The following SORCS1 variants were observed in gnomAD, a reference collection of about 807,000 sequenced individuals.
SORCS1 encodes sortilin related VPS10 domain containing receptor 1.
SORCS1 carries 60 observed loss-of-function variants against 146.1 expected under a neutral mutation model. The observed-to-expected ratio is 0.41, with a 90% CI of 0.33 to 0.51. SORCS1 has a LOEUF of 0.51. Ranked by LOEUF, SORCS1 falls within the 20% of genes least tolerant of loss-of-function variation. SORCS1 has a pLI of 0.21. For missense variants in SORCS1, 1,352 were observed against 1,487.6 expected (o/e 0.91, Z 1.50); for synonymous variants, 637 against 584.0 (o/e 1.09, Z -1.31).
At chr10:106,773,569 A>G (rs1405830589) in intron 4 of SORCS1, among the ~76,000 whole-genome samples, 2 of 152,156 alleles carry the variant, frequency 1.3e-5, no homozygotes, top group East Asian at 3.9e-4. Context: ...AGTATGATTT[A>G]TCCTTCATCC....
At chr10:107,003,814 G>A (rs1167263564) in intron 1 of SORCS1, among the ~76,000 whole-genome samples, 1 of 152,080 alleles carries the variant, frequency 6.6e-6, no homozygotes, top group Non-Finnish European at 1.5e-5. Context: ...TAGTTGGGAA[G>A]AAGGAAGGGG....
At chr10:107,100,909 T>A (rs1184445219) in intron 1 of SORCS1, among the ~76,000 whole-genome samples, 1 of 152,224 alleles carries the variant, frequency 6.6e-6, no homozygotes, top group East Asian at 1.9e-4. Context: ...AATATTTTTC[T>A]AGAGACAGGG....
intron 9 of SORCS1, among the ~76,000 whole-genome samples, chr10:106,694,908 T>C (rs1853579857): frequency 6.6e-6 from 1 of 152,162 alleles, no homozygotes; most frequent in Non-Finnish European, 1.5e-5. Context: ...CAAAGTGCTC[T>C]TCATCATCAT....
chr10:106,865,346 T>A (rs1037335006), intron 2 of SORCS1, among the ~76,000 whole-genome samples: 3 of 152,210 alleles, frequency 2.0e-5, no homozygotes, highest in African/African-American at 7.2e-5. Flanking sequence ...CCTTCGCTGT[T>A]GATCCCTCCA....
chr10:106,681,131 T>C (rs1032041713), intron 10 of SORCS1, among the ~76,000 whole-genome samples: 46 of 152,212 alleles, frequency 3.0e-4, no homozygotes, highest in Non-Finnish European at 7.3e-5. Flanking sequence ...ATATCAGGCC[T>C]AGACTCTTGG....
At chr10:107,056,518 C>T (rs1960653926) in intron 1 of SORCS1, among the ~76,000 whole-genome samples, 1 of 152,170 alleles carries the variant, frequency 6.6e-6, no homozygotes, top group African/African-American at 2.4e-5. Context: ...TCTGGAGGCA[C>T]AGAAACTTGG....
At chr10:106,634,714 C>T (rs576786671) in intron 18 of SORCS1, among the ~76,000 whole-genome samples, 3 of 152,316 alleles carry the variant, frequency 2.0e-5, no homozygotes, top group Non-Finnish European at 4.4e-5. Context: ...ACTCAATACT[C>T]TGCTTCTGTC....
rs143723828 is a variant in SORCS1 at position 107,085,589 on chromosome 10, C to T, written c.558+78380G>A. Among the ~76,000 whole-genome samples, 812 of 152,234 alleles carry T rather than the reference C, an allele frequency of 5.3e-3. 4 individuals are homozygous for T. The highest frequency in any genetic ancestry group is 8.9e-3 in the Non-Finnish European group (603 of 68,024). On this transcript the variant is annotated intron_variant, in intron 1 of 25. Transcript: ENST00000263054. ...AGGGAGATAGATGTCACTCTGAAGA[C>T]ATATGGGATAAAAAAATGCCAAGGG... is the stretch of plus-strand genomic sequence containing the variant.
In SORCS1 at chr10:106,675,170, A is replaced by C. The variant is rs748639952; in HGVS notation, c.1833-14T>G. The C allele has an allele frequency of 6.3e-7, 1 of 1,578,290 alleles. No individual in the cohort carries two copies. The highest frequency in any genetic ancestry group is 2.2e-5 in the East Asian group (1 of 44,610). On this transcript the variant is annotated splice_polypyrimidine_tract_variant and intron_variant, in intron 13 of 25. Coordinates refer to ENST00000263054, the MANE Select transcript of SORCS1 (RefSeq NM_052918.5). ...TCAAAACTCAACCTAATGATATAAAAAATATCAGTCATCAGATCTCCAAAG... is the reference window on the plus strand; with the variant it reads ...TCAAAACTCAACCTAATGATATAAACAATATCAGTCATCAGATCTCCAAAG...
rs111673496 is a variant in SORCS1 at position 106,574,061 on chromosome 10, T to TA, written c.*3358dup. 44,221 of 151,434 alleles carry TA rather than the reference T, an allele frequency of 0.29. 7,917 individuals are homozygous for TA. Among genetic ancestry groups the TA allele is most frequent in the East Asian group, 0.49 (2,498 of 5,120 alleles). 9.4% of individuals were successfully genotyped at this position (151,434 alleles called of 1,614,324 possible). A position where few individuals can be genotyped will look rare whatever the true frequency, so the allele number is the denominator to read the frequency against. The stretch of plus-strand genomic sequence containing the variant: ...ACTATAAGAAAACTTTTTTTTTTTT[T>TA]AATTGGCTTCCTATAAAAATAAGTC... On this transcript the variant is annotated 3_prime_UTR_variant, in exon 26 of 26. Coordinates refer to ENST00000263054, the MANE Select transcript of SORCS1 (RefSeq NM_052918.5).
intron 2 of SORCS1, among the ~76,000 whole-genome samples, chr10:106,849,908 G>A (rs764937425): frequency 1.0e-3 from 153 of 152,190 alleles, no homozygotes; most frequent in Non-Finnish European, 1.8e-3. Context: ...GGGGGTCAGG[G>A]GTCAGGGACC....
chr10:106,839,763 T>C (rs1948943592), intron 2 of SORCS1, among the ~76,000 whole-genome samples: 1 of 152,218 alleles, frequency 6.6e-6, no homozygotes, highest in Non-Finnish European at 1.5e-5. Flanking sequence ...ATGCAATTGG[T>C]GACTTTCAGT....
At chr10:106,978,766 C>G (rs1295364269) in intron 1 of SORCS1, among the ~76,000 whole-genome samples, 1 of 151,062 alleles carries the variant, frequency 6.6e-6, no homozygotes, top group African/African-American at 2.4e-5. Flanking sequence ...CCACTGCACT[C>G]CAGCCTGGGC....
chr10:107,075,869 C>T (rs1048483699), intron 1 of SORCS1, among the ~76,000 whole-genome samples: 15 of 152,044 alleles, frequency 9.9e-5, no homozygotes, highest in Non-Finnish European at 1.5e-5. Context: ...TTTCCATTTT[C>T]AGGCAACGAT....
intron 18 of SORCS1, among the ~76,000 whole-genome samples, chr10:106,633,656 G>T (rs1848563445): frequency 6.9e-6 from 1 of 145,944 alleles, no homozygotes; most frequent in Non-Finnish European, 1.5e-5. Flanking sequence ...TAGGATAGAT[G>T]ATAGTAGATT....
chr10:106,883,952 C>T (rs978464055), intron 2 of SORCS1, among the ~76,000 whole-genome samples: 2 of 152,150 alleles, frequency 1.3e-5, no homozygotes, highest in African/African-American at 4.8e-5. Flanking sequence ...ACACCCATAG[C>T]TAGAGTTCTG....
At chr10:106,710,794 G>C (rs974266022) in intron 6 of SORCS1, among the ~76,000 whole-genome samples, 1 of 152,000 alleles carries the variant, frequency 6.6e-6, no homozygotes, top group Non-Finnish European at 1.5e-5. Context: ...TACTCTCTCT[G>C]TGATTCTTCT....
At chr10:107,021,148 G>A (rs1000536916) in intron 1 of SORCS1, among the ~76,000 whole-genome samples, 1 of 152,098 alleles carries the variant, frequency 6.6e-6, no homozygotes, top group Non-Finnish European at 1.5e-5. Flanking sequence ...CAAACTGTGT[G>A]TGTGTCCCTA....
intron 3 of SORCS1, among the ~76,000 whole-genome samples, chr10:106,797,514 G>C (rs1256016106): frequency 3.4e-5 from 5 of 145,490 alleles, no homozygotes; most frequent in African/African-American, 1.2e-4. Context: ...TCTTGCTGAG[G>C]AGTTGCTTTT....
Sources: allele counts gnomAD v4.1 joint callset (sites outside exome capture counted in the v4.1 genomes callset), GRCh38; gene constraint gnomAD v4.1.1; transcripts MANE v1.5; gene names NCBI Gene and HGNC (gene_info 2026-07-23, HGNC 2026-07-21).